IQCE: variants seen among roughly 807,000 people sequenced by gnomAD.
IQCE encodes IQ domain-containing protein E.
IQCE carries 115 observed loss-of-function variants against 96.0 expected under a neutral mutation model. The observed-to-expected ratio is 1.20, with a 90% CI of 1.03 to 1.40. IQCE has a LOEUF of 1.40. Ranked by LOEUF, IQCE falls within the 40% of genes most tolerant of loss-of-function variation. The pLI is 0.00. For missense variants in IQCE, 1,041 were observed against 909.1 expected, an observed-to-expected ratio of 1.15 and a Z score of -1.87; for synonymous variants, 412 against 371.2, an observed-to-expected ratio of 1.11 and a Z score of -1.26.
chr7:2,578,410 C>G (rs901856571), intron 7 of IQCE, 55 bp downstream of exon 7: 20 of 1,608,778 alleles, frequency 1.2e-5, no homozygotes, highest in Non-Finnish European at 1.7e-5. Context: ...GGGGCAGCAT[C>G]TGCCAGCCAG....
In IQCE at chr7:2,578,312, G is replaced by A; in HGVS notation, c.536G>A (p.Ser179Asn). Residue 179 changes from serine to asparagine, a missense_variant, in exon 7 of 22, where the codon AGC (serine) becomes AAC (asparagine). Coordinates refer to ENST00000402050, the MANE Select transcript of IQCE (RefSeq NM_152558.5). ...CTCCGGCGCCTGGAGGAGGAAAACAGCAGGAAGGACCGGCAGATAGAGCAG... is the reference window on the plus strand; with the variant it reads ...CTCCGGCGCCTGGAGGAGGAAAACAACAGGAAGGACCGGCAGATAGAGCAG... ...TKLRRLEEENSRKDRQIEQLL... is the reference protein window; with the variant it reads ...TKLRRLEEENNRKDRQIEQLL... 6.2e-7 allele frequency: 1 copy of A among 1,614,144 alleles called. No individual in the cohort carries two copies. The highest frequency in any genetic ancestry group is 1.7e-5 in the Admixed American group (1 of 60,026).
At chr7:2,588,131 A>C (rs1016188968) in intron 13 of IQCE, among the ~76,000 whole-genome samples, 1 of 152,162 alleles carries the variant, frequency 6.6e-6, no homozygotes, top group African/African-American at 2.4e-5. Flanking sequence ...CTCACAGTCC[A>C]GCCCGCCTGT....
At chr7:2,583,592 G>T in intron 9 of IQCE, 45 bp from the exon 10 acceptor site, 1 of 1,456,950 alleles carries the variant, frequency 6.9e-7, no homozygotes, top group Non-Finnish European at 9.5e-7. Context: ...TCTGTCCCCT[G>T]GGAACGCTGG....
chr7:2,597,095 C>T (rs1392542871), intron 16 of IQCE: 1 of 470,944 alleles, frequency 2.1e-6, no homozygotes, highest in Non-Finnish European at 4.4e-6. Flanking sequence ...TGCGGAAGAC[C>T]TGGGCCAGGG....
intron 20 of IQCE, among the ~76,000 whole-genome samples, chr7:2,606,397 G>A (rs956588040): frequency 6.6e-6 from 1 of 152,080 alleles, no homozygotes; most frequent in African/African-American, 2.4e-5. Flanking sequence ...TATGACAGGC[G>A]ACGCGTGCAG....
Position 2,614,475 on chromosome 7 carries a change from G to A in IQCE, c.*4313G>A, listed in dbSNP as rs901525632. 4 of 152,184 alleles carry A rather than the reference G, an allele frequency of 2.6e-5. No homozygotes were observed. Among genetic ancestry groups the A allele is most frequent in the Admixed American group, 2.0e-4 (3 of 15,270 alleles). 9.4% of individuals were successfully genotyped at this position (152,184 alleles called of 1,614,324 possible). On this transcript the variant is annotated 3_prime_UTR_variant, in exon 22 of 22. Coordinates refer to ENST00000402050, the MANE Select transcript of IQCE (RefSeq NM_152558.5). ...CTACGCTGTGCCAACTACCCTGTCT[G>A]GTACAGACCACGGCTGGGTAAGCAC...
At position 2,563,216 on chromosome 7, in the gene IQCE, G is replaced by A. The variant is rs570093763; in HGVS notation, c.37-3900G>A. ...GTTGGGATTACAGGCATGAGCAGGT[G>A]CTCAGCTTGCTTTTGTTTCTTTGCG... is the stretch of plus-strand genomic sequence containing the variant. On this transcript the variant is annotated intron_variant, in intron 1 of 21. Transcript: ENST00000402050. Among the ~76,000 whole-genome samples, 5 of 152,242 alleles carry A rather than the reference G, an allele frequency of 3.3e-5. No individual in the cohort carries two copies. The South Asian group carries it at 1.0e-3, about 32-fold the overall frequency.
rs540602540 is a variant in IQCE at position 2,601,861 on chromosome 7, T to A, written c.1632+397T>A. 8 of 209,054 alleles carry A rather than the reference T, an allele frequency of 3.8e-5. No homozygotes were observed. The South Asian group carries it at 5.6e-4, about 15-fold the overall frequency. The allele number at this position is 209,054 out of a possible 1,614,324, so 12.9% of individuals were successfully genotyped here. On this transcript the variant is annotated intron_variant, in intron 18 of 21. Coordinates refer to ENST00000402050, the MANE Select transcript of IQCE (RefSeq NM_152558.5). Reference sequence around the variant, plus strand: ...CACCGCGCCCGGCAAGTCCTTCTTTTCATGAAACCAAACCAGACCCCAACG... The same window carrying A: ...CACCGCGCCCGGCAAGTCCTTCTTTACATGAAACCAAACCAGACCCCAACG...
intron 1 of IQCE, among the ~76,000 whole-genome samples, chr7:2,561,796 AG>A (rs1302770800): frequency 6.6e-6 from 1 of 152,200 alleles, no homozygotes; most frequent in African/African-American, 2.4e-5. Flanking sequence ...CTAGTTTTTT[AG>A]TAGATTCATT....
At chr7:2,608,958 T>C (rs934387235) in intron 21 of IQCE, among the ~76,000 whole-genome samples, 2 of 152,230 alleles carry the variant, frequency 1.3e-5, no homozygotes, top group Admixed American at 1.3e-4. Flanking sequence ...ACAGTTACAG[T>C]ATCTGCGGCA....
At chr7:2,573,625 C>A in intron 6 of IQCE, 137 bp downstream of exon 6, 1 of 549,304 alleles carries the variant, frequency 1.8e-6, no homozygotes, top group Non-Finnish European at 3.3e-6. Context: ...TGAGTTTGAG[C>A]CGTGGCGTAG....
intron 11 of IQCE, 94 bp from the exon 12 acceptor site, chr7:2,586,114 A>G (rs758667448): frequency 1.6e-6 from 2 of 1,214,282 alleles, no homozygotes; most frequent in African/African-American, 1.5e-5. Context: ...CTCACAACCA[A>G]CAGAGCAAGC....
chr7:2,567,119 G>A lies in IQCE; in HGVS notation c.40G>A (p.Asp14Asn). Residue 14 changes from aspartate (D) to asparagine (N), a missense_variant, in exon 2 of 22, where the codon GAT (aspartate) becomes AAT (asparagine). Transcript: ENST00000402050. ...GTGEPALDTG[D>N]DSLSAVTFDS... Reference sequence around the variant, plus strand: ...GTGTTTGCCTCTCTTCCTCCAGGGAGATGACAGTCTGTCTGCAGTCACCTT... The same window carrying A: ...GTGTTTGCCTCTCTTCCTCCAGGGAAATGACAGTCTGTCTGCAGTCACCTT... The A allele has an allele frequency of 6.2e-7, 1 of 1,613,850 alleles. No homozygotes were observed. Among genetic ancestry groups the A allele is most frequent in the South Asian group, 1.1e-5 (1 of 91,070 alleles).
chr7:2,599,704 C>G (rs1784303442), intron 17 of IQCE, among the ~76,000 whole-genome samples: 2 of 152,062 alleles, frequency 1.3e-5, no homozygotes, highest in African/African-American at 2.4e-5. Flanking sequence ...CCAGGCTGGT[C>G]TTGAACTCCT....
At chr7:2,601,370 G>A (rs373427254) in intron 17 of IQCE, 71 bp from the exon 18 acceptor site, 85 of 1,055,220 alleles carry the variant, frequency 8.1e-5, no homozygotes, top group Non-Finnish European at 1.1e-4. Context: ...TTGGCAAGAT[G>A]AAGGAATCAA....
At position 2,614,378 on chromosome 7, in the gene IQCE, C is replaced by T. The variant is rs913184217; in HGVS notation, c.*4216C>T. On this transcript the variant is annotated 3_prime_UTR_variant, in exon 22 of 22. Transcript: ENST00000402050. Reference sequence around the variant, plus strand: ...GACCAGGGAGTTGACACACAAACCCCGCCATGGGTCCGAGCCAGCTATTTC... The same window carrying T: ...GACCAGGGAGTTGACACACAAACCCTGCCATGGGTCCGAGCCAGCTATTTC... 2.0e-5 allele frequency: 3 copies of T among 152,234 alleles called. No individual in the cohort carries two copies. Among genetic ancestry groups the T allele is most frequent in the South Asian group, 2.1e-4 (1 of 4,832 alleles). 9.4% of individuals were successfully genotyped at this position (152,234 alleles called of 1,614,324 possible).
chr7:2,566,366 C>G (rs1398761723), intron 1 of IQCE, among the ~76,000 whole-genome samples: 6 of 147,840 alleles, frequency 4.1e-5, no homozygotes, highest in Non-Finnish European at 8.9e-5. Flanking sequence ...TGGACCAGGA[C>G]AAAGTCACTG....
chr7:2,579,030 G>A (rs536437085), intron 8 of IQCE, among the ~76,000 whole-genome samples: 17 of 149,708 alleles, frequency 1.1e-4, no homozygotes, highest in Non-Finnish European at 2.5e-4. Context: ...CTGCACTCCA[G>A]CCTGGGTGAC....
chr7:2,559,418 C>G (rs1780750147), intron 1 of IQCE: 4 of 304,166 alleles, frequency 1.3e-5, no homozygotes, highest in Non-Finnish European at 2.4e-5. Flanking sequence ...CGCCCGCGCC[C>G]GCTTTCGCAG....
Sources: allele counts gnomAD v4.1 joint callset (sites outside exome capture counted in the v4.1 genomes callset), GRCh38; gene constraint gnomAD v4.1.1; transcripts MANE v1.5; gene names NCBI Gene and HGNC (gene_info 2026-07-23, HGNC 2026-07-21).